The following TNRC6A variants were observed in gnomAD, a reference collection of about 807,000 sequenced individuals.
TNRC6A encodes trinucleotide repeat containing adaptor 6A.
In TNRC6A, 44 loss-of-function variants were observed where a neutral mutation model predicts 221.2. That is an observed-to-expected ratio of 0.20 (90% confidence interval 0.16 to 0.26). The LOEUF (loss-of-function observed/expected upper bound fraction) is 0.26. Among genes scored for constraint, TNRC6A ranks in the 10% least tolerant of loss-of-function variants. The probability of loss-of-function intolerance (pLI) is 1.00; values close to 1 mark genes in which losing one functional copy is unlikely to be tolerated. For missense variants in TNRC6A, 2,199 were observed against 2,404.4 expected, an observed-to-expected ratio of 0.91 and a Z score of 1.79; for synonymous variants, 847 against 838.5, an observed-to-expected ratio of 1.01 and a Z score of -0.18.
At chr16:24,776,447 T>G in intron 4 of TNRC6A, 2 of 985,460 alleles carry the variant, frequency 2.0e-6, no homozygotes, top group Non-Finnish European at 2.4e-6. Flanking sequence ...ACCAGCAGGT[T>G]GTTTTCTAAC....
chr16:24,651,538 CAAAA>C (rs768568973), intron 2 of TNRC6A, among the ~76,000 whole-genome samples: 29 of 48,764 alleles, frequency 5.9e-4, no homozygotes, highest in African/African-American at 1.2e-3. Flanking sequence ...AACTCCATCT[CAAAA>C]AAAAAAAAAA....
intron 2 of TNRC6A, among the ~76,000 whole-genome samples, chr16:24,669,482 T>C (rs1322392841): frequency 1.1e-5 from 1 of 92,556 alleles, no homozygotes; most frequent in Non-Finnish European, 1.9e-5. Context: ...AGCAAGACTC[T>C]GTCTCAAAAA....
At chr16:24,807,090 C>G (rs1433805399) in intron 17 of TNRC6A, among the ~76,000 whole-genome samples, 2 of 151,678 alleles carry the variant, frequency 1.3e-5, no homozygotes, top group Non-Finnish European at 2.9e-5. Flanking sequence ...ACTGCAACCT[C>G]TGCCTCCCGG....
chr16:24,693,651 G>C (rs1325495699), intron 2 of TNRC6A, among the ~76,000 whole-genome samples: 2 of 151,992 alleles, frequency 1.3e-5, no homozygotes, highest in East Asian at 3.9e-4. Context: ...TGTCATCCTA[G>C]CTACTCAGGA....
intron 21 of TNRC6A, among the ~76,000 whole-genome samples, chr16:24,819,171 T>A (rs2058714597): frequency 6.6e-6 from 1 of 152,204 alleles, no homozygotes; most frequent in Non-Finnish European, 1.5e-5. Context: ...TGCAGCAGAT[T>A]AGTATGAAAC....
At chr16:24,687,843 G>GAAGAAGAA (rs1555489487) in intron 2 of TNRC6A, among the ~76,000 whole-genome samples, 13 of 101,840 alleles carry the variant, frequency 1.3e-4, no homozygotes, top group East Asian at 2.8e-4. Context: ...AAGAGGAAGA[G>GAAGAAGAA]GAAGAAGAAG....
chr16:24,700,309 C>T (rs2055946038), intron 2 of TNRC6A, among the ~76,000 whole-genome samples: 1 of 151,878 alleles, frequency 6.6e-6, no homozygotes, highest in Non-Finnish European at 1.5e-5. Context: ...GATCTTGGCT[C>T]ACTGCAATCT....
chr16:24,821,289 G>A (rs571774125), intron 22 of TNRC6A, among the ~76,000 whole-genome samples: 1 of 152,332 alleles, frequency 6.6e-6, no homozygotes, highest in Non-Finnish European at 1.5e-5. Context: ...GGGCGCTAGT[G>A]AAAGTGGCCC....
At chr16:24,649,804 G>GTCTC (rs1159561224) in intron 2 of TNRC6A, among the ~76,000 whole-genome samples, 3 of 136,392 alleles carry the variant, frequency 2.2e-5, no homozygotes, top group Non-Finnish European at 3.1e-5. Flanking sequence ...CCAGCTTCCA[G>GTCTC]TCTCTCTCTC....
chr16:24,621,892 T>C (rs1274536448), intron 1 of TNRC6A, among the ~76,000 whole-genome samples: 2 of 152,194 alleles, frequency 1.3e-5, no homozygotes, highest in Non-Finnish European at 2.9e-5. Flanking sequence ...GTGAATATGA[T>C]GATTTCACCC....
chr16:24,635,889 A>G (rs1284814747), intron 1 of TNRC6A, among the ~76,000 whole-genome samples: 1 of 152,140 alleles, frequency 6.6e-6, no homozygotes, highest in Non-Finnish European at 1.5e-5. Context: ...CCTGCATTTT[A>G]TTTCTGACTT....
chr16:24,804,498 A>G (rs2058390991), intron 12 of TNRC6A, 179 bp downstream of exon 12: 7 of 1,097,920 alleles, frequency 6.4e-6, no homozygotes, highest in African/African-American at 1.6e-5. Context: ...TAGAGGTTGC[A>G]TTTATATTTT....
intron 1 of TNRC6A, among the ~76,000 whole-genome samples, chr16:24,634,029 G>C (rs956337057): frequency 2.6e-5 from 4 of 150,984 alleles, no homozygotes. Context: ...TGATCCTCCC[G>C]CTTCAGCCCC....
chr16:24,791,409 G>C lies in TNRC6A; in HGVS notation c.2767G>C (p.Gly923Arg), dbSNP rs781418660. The change falls in exon 6 of 25, where the codon GGA becomes CGA. Residue 923 changes from glycine (G) to arginine (R), a missense_variant. Transcript: ENST00000395799. The stretch of plus-strand genomic sequence containing the variant: ...TAAACCTACTCCTTCCCAGGGATGG[G>C]GAGACCCTCCAAAGTCTAATCAGTC... ...SSKPTPSQGWGDPPKSNQSLG... is the reference protein window; with the variant it reads ...SSKPTPSQGWRDPPKSNQSLG... The C allele has an allele frequency of 6.4e-7, 1 of 1,559,688 alleles. No individual in the cohort carries two copies. The highest frequency in any genetic ancestry group is 1.2e-5 in the South Asian group (1 of 80,094).
Position 24,805,036 on chromosome 16 carries a change from G to C in TNRC6A, c.4007G>C (p.Gly1336Ala). The stretch of plus-strand genomic sequence containing the variant: ...TAGAATGGCAATCCCAGTATGTTTG[G>C]TGTTGGAAACACAGCAGCACAACCC... ...VRQNGNPSMF[G>A]VGNTAAQPRG... Residue 1336 changes from glycine (G) to alanine (A), a missense_variant, in exon 14 of 25, where the codon GGT becomes GCT. Transcript: ENST00000395799. 2 of 1,614,120 alleles carry C rather than the reference G, an allele frequency of 1.2e-6. No homozygotes were observed. The highest frequency in any genetic ancestry group is 1.7e-6 in the Non-Finnish European group (2 of 1,180,040).
At chr16:24,622,831 G>A (rs563777461) in intron 1 of TNRC6A, among the ~76,000 whole-genome samples, 1 of 152,214 alleles carries the variant, frequency 6.6e-6, no homozygotes, top group Non-Finnish European at 1.5e-5. Context: ...TCATGATGCC[G>A]GCCAATATTA....
intron 11 of TNRC6A, 31 bp downstream of exon 11, chr16:24,797,997 T>C: frequency 1.9e-6 from 3 of 1,579,282 alleles, no homozygotes; most frequent in Non-Finnish European, 2.6e-6. Flanking sequence ...TTTATATTCC[T>C]CATTGAGGGA....
At chr16:24,712,799 G>A (rs547214827) in intron 2 of TNRC6A, among the ~76,000 whole-genome samples, 1 of 152,168 alleles carries the variant, frequency 6.6e-6, no homozygotes, top group Non-Finnish European at 1.5e-5. Context: ...TGTCACCCAG[G>A]CTAGAGTGCA....
At chr16:24,788,928 G>A (rs569354708) in intron 5 of TNRC6A, among the ~76,000 whole-genome samples, 5 of 152,294 alleles carry the variant, frequency 3.3e-5, no homozygotes, top group African/African-American at 7.2e-5. Flanking sequence ...GATTACAAGC[G>A]TGAGCCACCA....
Sources: gnomAD v4.1 joint callset for allele counts (sites outside exome capture counted in the v4.1 genomes callset) on GRCh38, gnomAD v4.1.1 for gene constraint, MANE v1.5 for transcripts, NCBI Gene and HGNC (gene_info 2026-07-23, HGNC 2026-07-21) for gene names.